The following OSBPL9 variants were observed in gnomAD, a reference collection of about 807,000 sequenced individuals.
OSBPL9 encodes oxysterol binding protein like 9, also known as oxysterol-binding protein-related protein 9.
Under a neutral mutation model 106.6 loss-of-function variants are expected in OSBPL9, and 40 were observed. The observed-to-expected ratio is 0.38, with a 90% CI of 0.29 to 0.49. The LOEUF (loss-of-function observed/expected upper bound fraction) is 0.49. OSBPL9 is among the 20% of genes least tolerant of loss of function. OSBPL9 has a pLI of 0.97. For synonymous variants in OSBPL9, 269 were observed against 295.4 expected (o/e 0.91, Z 0.92); for missense variants, 609 against 887.2 (o/e 0.69, Z 3.98).
intron 2 of OSBPL9, among the ~76,000 whole-genome samples, chr1:51,607,009 C>A (rs1643953548): frequency 6.7e-6 from 1 of 150,318 alleles, no homozygotes; most frequent in Admixed American, 6.7e-5. Flanking sequence ...GAGATCGCGC[C>A]ACTGCACTCC....
At chr1:51,787,607 A>G (rs1678003920) in intron 23 of OSBPL9, 108 bp from the exon 24 acceptor site, 22 of 1,600,964 alleles carry the variant, frequency 1.4e-5, no homozygotes, top group Middle Eastern at 3.3e-4. Context: ...TCCCTACTTG[A>G]AACTCATTTC....
chr1:51,729,752 G>T lies in OSBPL9; in HGVS notation c.318+15673G>T, dbSNP rs1011987404. ...GCCAGGGGTCTCTTTGCCAGGAGCC[G>T]CCAGGGCCAGCCAATCGGGGCGACC... is the stretch of plus-strand genomic sequence containing the variant. On this transcript the variant is annotated intron_variant, in intron 4 of 23. Transcript: ENST00000428468. The surrounding 1 kb of genome is among the most constrained non-coding windows in gnomAD (Gnocchi z 5.1). The T allele has an allele frequency of 2.9e-5, 33 of 1,145,042 alleles. No homozygotes were observed. In the Admixed American group the frequency reaches 1.1e-3, roughly 37 times the overall value. 70.9% of individuals were successfully genotyped at this position (1,145,042 alleles called of 1,614,324 possible). A position where few individuals can be genotyped will look rare whatever the true frequency, so the allele number is the denominator to read the frequency against.
intron 3 of OSBPL9, chr1:51,707,144 G>C: frequency 2.6e-6 from 1 of 388,684 alleles, no homozygotes; most frequent in Non-Finnish European, 5.3e-6. Flanking sequence ...CTTACTCCTT[G>C]GAGGCCATGT....
chr1:51,685,383 C>G (rs1343336985), intron 3 of OSBPL9, among the ~76,000 whole-genome samples: 1 of 151,946 alleles, frequency 6.6e-6, no homozygotes, highest in African/African-American at 2.4e-5. Context: ...GTAAATTCTC[C>G]AAGAAAATGC....
chr1:51,747,480 A>G (rs1668228537), intron 6 of OSBPL9, among the ~76,000 whole-genome samples: 2 of 146,040 alleles, frequency 1.4e-5, no homozygotes, highest in South Asian at 2.2e-4. Context: ...ATTGTCCCCC[A>G]CTTGCATTTC....
intron 3 of OSBPL9, among the ~76,000 whole-genome samples, chr1:51,681,577 A>G (rs1200530610): frequency 6.6e-6 from 1 of 152,158 alleles, no homozygotes; most frequent in Non-Finnish European, 1.5e-5. Flanking sequence ...CTACTAATTA[A>G]AGTAATGATA....
At position 51,729,795 on chromosome 1, in the gene OSBPL9, A is replaced by G. The variant is rs1321388742; in HGVS notation, c.318+15716A>G. The G allele has an allele frequency of 9.1e-6, 11 of 1,203,120 alleles. No individual in the cohort carries two copies. Among genetic ancestry groups the G allele is most frequent in the East Asian group, 3.3e-5 (1 of 30,636 alleles). 74.5% of individuals were successfully genotyped at this position (1,203,120 alleles called of 1,614,324 possible). On this transcript the variant is annotated intron_variant, in intron 4 of 23. Transcript: ENST00000428468. This position sits in a 1 kb window ranked among gnomAD's most constrained non-coding sequence, Gnocchi z 5.1. The stretch of plus-strand genomic sequence containing the variant: ...GGGCGACCCCTCCGCCGGGGAGGGG[A>G]CGGGAAAGGGGTGGGGGGTGAAGGG...
the OSBPL9 span, among the ~76,000 whole-genome samples, chr1:51,568,289 T>C: frequency 6.6e-6 from 1 of 152,206 alleles, no homozygotes; most frequent in Admixed American, 6.5e-5. Flanking sequence ...CCATGTCATT[T>C]AATTCTTACA....
At chr1:51,778,618 C>G (rs1415052280) in intron 15 of OSBPL9, among the ~76,000 whole-genome samples, 2 of 152,230 alleles carry the variant, frequency 1.3e-5, no homozygotes, top group East Asian at 3.9e-4. Flanking sequence ...AATAACACAG[C>G]TTCAAAATAC....
chr1:51,570,235 A>G, the OSBPL9 span, among the ~76,000 whole-genome samples: 1 of 152,346 alleles, frequency 6.6e-6, no homozygotes, highest in African/African-American at 2.4e-5. Flanking sequence ...AATCACTGCT[A>G]ACATTCACTG....
chr1:51,590,688 CAATT>C lies in OSBPL9; in HGVS notation c.-422-7433_-422-7430del, dbSNP rs764273210. 2.7e-5 allele frequency among the ~76,000 whole-genome samples: 4 copies of C among 150,444 alleles called. No individual in the cohort carries two copies. The East Asian group carries it at 7.8e-4, about 29-fold the overall frequency. ...TAGGATTATGTTTTGAAGGTACACT[CAATT>C]AAACTTGCTGATGGATTAAATAAAG... On this transcript the variant is annotated intron_variant, in intron 1 of 25. Transcript: ENST00000371714.
At chr1:51,619,671 T>C (rs888195943) in intron 1 of OSBPL9, among the ~76,000 whole-genome samples, 4 of 152,152 alleles carry the variant, frequency 2.6e-5, no homozygotes, top group African/African-American at 9.7e-5. Context: ...CAATCTCAAA[T>C]TAGAGGAGGT....
intron 3 of OSBPL9, among the ~76,000 whole-genome samples, chr1:51,674,434 G>A (rs1650690632): frequency 6.6e-6 from 1 of 152,142 alleles, no homozygotes; most frequent in African/African-American, 2.4e-5. Context: ...GTGCCTCACT[G>A]TCAGCATCTG....
chr1:51,737,739 T>C (rs1355205661), intron 4 of OSBPL9, among the ~76,000 whole-genome samples: 1 of 152,112 alleles, frequency 6.6e-6, no homozygotes, highest in Non-Finnish European at 1.5e-5. Context: ...TAGCTTGCTT[T>C]CTGCATTCAG....
In OSBPL9 at chr1:51,640,890, C is replaced by T. The variant is rs147885183; in HGVS notation, c.112-11101C>T. Among the ~76,000 whole-genome samples the T allele has an allele frequency of 3.8e-3, 579 of 151,546 alleles. 4 individuals are homozygous for T. Among genetic ancestry groups the T allele is most frequent in the African/African-American group, 0.013 (545 of 41,304 alleles). On this transcript the variant is annotated intron_variant, in intron 1 of 23. Transcript: ENST00000428468. ...CCTCTAACTCCTGGGCTAACAGGATCCTTCCACCGCAGCCCCCTGAGTACC... is the reference window on the plus strand; with the variant it reads ...CCTCTAACTCCTGGGCTAACAGGATTCTTCCACCGCAGCCCCCTGAGTACC...
intron 2 of OSBPL9, among the ~76,000 whole-genome samples, chr1:51,610,745 TC>T (rs1643981884): frequency 6.6e-6 from 1 of 152,236 alleles, no homozygotes; most frequent in East Asian, 1.9e-4. Flanking sequence ...CAATCCAGCT[TC>T]CCTAGCCTTC....
Position 51,750,194 on chromosome 1 carries a change from A to G in OSBPL9, c.542A>G (p.Lys181Arg), listed in dbSNP as rs1473613465. The G allele has an allele frequency of 4.4e-6, 7 of 1,603,284 alleles. No homozygotes were observed. Among genetic ancestry groups the G allele is most frequent in the Non-Finnish European group, 6.0e-6 (7 of 1,175,000 alleles). The change falls in exon 8 of 24, where the codon AAA becomes AGA. Residue 181 changes from lysine to arginine, a missense_variant and splice_region_variant. Lys to Arg is a conservative substitution (Grantham distance 26). Around this residue, in one of 5 missense-constraint regions of OSBPL9, gnomAD observed 356 missense variants for 505.8 expected, o/e 0.70. Coordinates refer to ENST00000428468, the MANE Select transcript of OSBPL9 (RefSeq NM_024586.6). Reference protein sequence around the residue: ...KHCIVLLQIAKDQSNAEKHAD... With the variant: ...KHCIVLLQIARDQSNAEKHAD... ...TGCATTGTGTTGCTGCAGATTGCCA[A>G]AGTAAGTAAATTTTACTTTCAATTA...
rs998206314 is a variant in OSBPL9 at position 51,652,164 on chromosome 1, T to A, written c.162+123T>A. ...ATAATTGTTGGGGCAGGTATCTAAG[T>A]CTCAGAGAGAAAATGTGATTTCTCC... On this transcript the variant is annotated intron_variant, in intron 2 of 23. Transcript: ENST00000428468. 39 of 666,474 alleles carry A rather than the reference T, an allele frequency of 5.9e-5. No individual in the cohort carries two copies. In the African/African-American group the frequency reaches 6.1e-4, roughly 10 times the overall value. 41.3% of individuals were successfully genotyped at this position (666,474 alleles called of 1,614,324 possible).
intron 2 of OSBPL9, among the ~76,000 whole-genome samples, chr1:51,653,847 A>T (rs886628380): frequency 6.6e-6 from 1 of 152,214 alleles, no homozygotes; most frequent in African/African-American, 2.4e-5. Flanking sequence ...CAAAAAATTT[A>T]AAAAATTAGC....
Sources: gnomAD v4.1 joint callset for allele counts (sites outside exome capture counted in the v4.1 genomes callset) on GRCh38, gnomAD v4.1.1 for gene constraint, gnomAD v4.1.1 regional missense constraint, Gnocchi (gnomAD v3.1) non-coding constraint, MANE v1.5 for transcripts, NCBI Gene and HGNC (gene_info 2026-07-23, HGNC 2026-07-21) for gene names.